Variants in ZNF638 observed in about 807,000 individuals in gnomAD.
ZNF638 encodes zinc finger protein 638.
ZNF638 carries 46 observed loss-of-function variants against 195.6 expected under a neutral mutation model. That is an observed-to-expected ratio of 0.24 (90% CI 0.19 to 0.30). The LOEUF (loss-of-function observed/expected upper bound fraction) is 0.30. Among genes scored for constraint, ZNF638 ranks in the 10% least tolerant of loss-of-function variants. ZNF638 has a pLI of 1.00. For missense variants in ZNF638, 2,440 were observed against 2,325.3 expected (o/e 1.05, Z -1.01); for synonymous variants, 845 against 772.0 (o/e 1.09, Z -1.57).
At chr2:71,417,332 G>A (rs893876667) in intron 20 of ZNF638, among the ~76,000 whole-genome samples, 65 of 150,600 alleles carry the variant, frequency 4.3e-4, no homozygotes, top group African/African-American at 1.5e-3. Context: ...GCCCTGCTTC[G>A]GCTCGCGCAC....
Position 71,426,865 on chromosome 2 carries a change from C to G in ZNF638, c.4996C>G (p.Leu1666Val). The G allele has an allele frequency of 1.2e-6, 2 of 1,614,140 alleles. No individual in the cohort carries two copies. Among genetic ancestry groups the G allele is most frequent in the Non-Finnish European group, 1.7e-6 (2 of 1,179,986 alleles). The change falls in exon 24 of 28, where the codon CTG becomes GTG. Residue 1666 changes from leucine (L) to valine (V), a missense_variant. Leu to Val is a conservative substitution (Grantham distance 32, BLOSUM62 1). Transcript: ENST00000264447. ...SHSEPKDVTV[L>V]SVAEEQDLLK... The stretch of plus-strand genomic sequence containing the variant: ...CAGTGAACCTAAAGATGTTACTGTT[C>G]TGTCAGTGGCTGAAGAACAAGATCT...
chr2:71,372,681 T>A (rs570339657), intron 8 of ZNF638, among the ~76,000 whole-genome samples: 3 of 152,312 alleles, frequency 2.0e-5, no homozygotes, highest in Admixed American at 2.0e-4. Context: ...GTGTTCCTGC[T>A]GGGGATGGGA....
At chr2:71,392,049 C>A (rs2079791756) in intron 10 of ZNF638, among the ~76,000 whole-genome samples, 1 of 152,160 alleles carries the variant, frequency 6.6e-6, no homozygotes, top group Non-Finnish European at 1.5e-5. Flanking sequence ...TTAGTAAAGT[C>A]ATCTATATGG....
At chr2:71,410,048 T>C (rs1449364280) in intron 20 of ZNF638, among the ~76,000 whole-genome samples, 1 of 152,236 alleles carries the variant, frequency 6.6e-6, no homozygotes, top group African/African-American at 2.4e-5. Context: ...GTGCTTAGGC[T>C]ATTTTTCCTT....
chr2:71,422,686 G>A, intron 21 of ZNF638, 128 bp from the exon 22 acceptor site: 7 of 915,970 alleles, frequency 7.6e-6, no homozygotes, highest in South Asian at 1.8e-5. Context: ...TGCTTATTAC[G>A]AATGCATCAG....
chr2:71,347,639 T>TA (rs1320072947), intron 1 of ZNF638, among the ~76,000 whole-genome samples: 1 of 152,204 alleles, frequency 6.6e-6, no homozygotes, highest in Non-Finnish European at 1.5e-5. Flanking sequence ...TATATGCTCA[T>TA]ACATTTTTTA....
chr2:71,395,463 G>A lies in ZNF638; in HGVS notation c.2378-678G>A, dbSNP rs563567558. ...CTTCGGGAGAGAATAAAGGCTGAAG[G>A]CAGCTAAATTCTCTTACCCTGACGC... is the stretch of plus-strand genomic sequence containing the variant. On this transcript the variant is annotated intron_variant, in intron 10 of 27. Transcript: ENST00000264447. 2.0e-4 allele frequency: 120 copies of A among 612,802 alleles called. 1 individual carries two copies. Among genetic ancestry groups the A allele is most frequent in the African/African-American group, 2.0e-3 (106 of 54,164 alleles). 38.0% of individuals were successfully genotyped at this position (612,802 alleles called of 1,614,324 possible).
chr2:71,380,012 G>A (rs923901939), intron 8 of ZNF638: 1 of 374,470 alleles, frequency 2.7e-6, no homozygotes, highest in Non-Finnish European at 4.9e-6. Context: ...AGAAACTGCT[G>A]TAGTTAATGA....
At chr2:71,410,622 T>A (rs1017114975) in intron 20 of ZNF638, among the ~76,000 whole-genome samples, 4 of 152,144 alleles carry the variant, frequency 2.6e-5, no homozygotes, top group African/African-American at 9.7e-5. Context: ...TATATTTTAG[T>A]GGAGGAGATA....
Position 71,427,352 on chromosome 2 carries a change from G to T in ZNF638, c.5483G>T (p.Gly1828Val). Residue 1828 changes from glycine to valine, a missense_variant, in exon 24 of 28, where the codon GGT becomes GTT. Physicochemically the swap from Gly to Val is moderately radical, Grantham distance 109. Coordinates refer to ENST00000264447, the MANE Select transcript of ZNF638 (RefSeq NM_014497.5). The stretch of plus-strand genomic sequence containing the variant: ...AAACTTGAATCCTTGTCCCAAGTGG[G>T]TCCAGTAAATGAGAATGTTATGGAA... Reference protein sequence around the residue: ...KTKLESLSQVGPVNENVMEED... With the variant: ...KTKLESLSQVVPVNENVMEED... 2 of 1,599,594 alleles carry T rather than the reference G, an allele frequency of 1.3e-6. No individual in the cohort carries two copies. The highest frequency in any genetic ancestry group is 1.7e-6 in the Non-Finnish European group (2 of 1,176,496).
chr2:71,382,182 G>C (rs2079545942), intron 10 of ZNF638, among the ~76,000 whole-genome samples: 1 of 152,100 alleles, frequency 6.6e-6, no homozygotes, highest in Non-Finnish European at 1.5e-5. Context: ...TCACAGTGGT[G>C]CCTTTGAATT....
In ZNF638 at chr2:71,424,677, C is replaced by T. The variant is rs762190588; in HGVS notation, c.4552C>T (p.Pro1518Ser). The T allele has an allele frequency of 2.0e-5, 32 of 1,612,568 alleles. No homozygotes were observed. Among genetic ancestry groups the T allele is most frequent in the African/African-American group, 2.7e-5 (2 of 74,646 alleles). Residue 1518 changes from proline (P) to serine (S), a missense_variant, in exon 23 of 28, where the codon CCT (proline) becomes TCT (serine). Pro to Ser is a moderately conservative substitution (Grantham distance 74). Coordinates refer to ENST00000264447, the MANE Select transcript of ZNF638 (RefSeq NM_014497.5). ...TTTGGCTGAGCAAAACACTAAGAAT[C>T]CTAAAAGCACTACTGGTAGAAGTTC... ...KTLAEQNTKN[P>S]KSTTGRSSKS...
At chr2:71,360,089 A>G (rs973213448) in intron 3 of ZNF638, among the ~76,000 whole-genome samples, 1 of 152,224 alleles carries the variant, frequency 6.6e-6, no homozygotes, top group Admixed American at 6.5e-5. Context: ...CATGCAGCAC[A>G]TAGTTAAATG....
intron 10 of ZNF638, among the ~76,000 whole-genome samples, chr2:71,394,384 C>T (rs112136919): frequency 3.9e-4 from 60 of 152,274 alleles, no homozygotes; most frequent in African/African-American, 1.4e-3. Context: ...AACAATTATA[C>T]TATGACCTTT....
At chr2:71,367,004 C>T (rs551905748) in intron 6 of ZNF638, among the ~76,000 whole-genome samples, 1 of 152,184 alleles carries the variant, frequency 6.6e-6, no homozygotes, top group African/African-American at 2.4e-5. Context: ...ATGCATTGCT[C>T]TCAACAGTAT....
At position 71,405,728 on chromosome 2, in the gene ZNF638, C is replaced by CT. The variant is rs1314467585; in HGVS notation, c.3000+88dup. On this transcript the variant is annotated intron_variant, in intron 18 of 27. Transcript: ENST00000264447. ...TTGTTTGCCTTTTAGGAATTAAAACCTTAGAACTAATTTTAAGATATTGAG... is the reference window on the plus strand; with the variant it reads ...TTGTTTGCCTTTTAGGAATTAAAACCTTTAGAACTAATTTTAAGATATTGAG... 3 of 978,276 alleles carry CT rather than the reference C, an allele frequency of 3.1e-6. No individual in the cohort carries two copies. The Admixed American group carries it at 7.9e-5, about 26-fold the overall frequency. The allele number at this position is 978,276 out of a possible 1,614,324, so 60.6% of individuals were successfully genotyped here. A position where few individuals can be genotyped will look rare whatever the true frequency, so the allele number is the denominator to read the frequency against.
At chr2:71,358,327 A>G (rs530923177) in intron 3 of ZNF638, among the ~76,000 whole-genome samples, 3 of 152,250 alleles carry the variant, frequency 2.0e-5, no homozygotes, top group African/African-American at 7.2e-5. Context: ...GAACATATAT[A>G]TGTATGTATC....
rs1038265076 is a variant in ZNF638, at chr2:71,331,784, A to G, written c.-294A>G. Reference sequence around the variant, plus strand: ...GGCGCGCATGCGTGCAGCTCTTTGGAGGCGGTAGCGTTTTCGGCGTCGAGA... The same window carrying G: ...GGCGCGCATGCGTGCAGCTCTTTGGGGGCGGTAGCGTTTTCGGCGTCGAGA... On this transcript the variant is annotated 5_prime_UTR_variant, in exon 1 of 28. Coordinates refer to ENST00000264447, the MANE Select transcript of ZNF638 (RefSeq NM_014497.5). The G allele has an allele frequency of 1.0e-6, 1 of 985,960 alleles. No individual in the cohort carries two copies. Among genetic ancestry groups the G allele is most frequent in the African/African-American group, 1.7e-5 (1 of 57,318 alleles). 61.1% of individuals were successfully genotyped at this position (985,960 alleles called of 1,614,324 possible). A position where few individuals can be genotyped will look rare whatever the true frequency, so the allele number is the denominator to read the frequency against.
At chr2:71,399,362 C>G (rs2079959954) in intron 12 of ZNF638, among the ~76,000 whole-genome samples, 197 bp from the exon 13 acceptor site, 1 of 152,026 alleles carries the variant, frequency 6.6e-6, no homozygotes, top group Non-Finnish European at 1.5e-5. Context: ...ACGGCATCAC[C>G]AAAAAGTTGT....
Sources: allele counts gnomAD v4.1 joint callset (sites outside exome capture counted in the v4.1 genomes callset), GRCh38; gene constraint gnomAD v4.1.1; transcripts MANE v1.5; gene names NCBI Gene and HGNC (gene_info 2026-07-23, HGNC 2026-07-21).